CCNA1: variants seen among roughly 807,000 people sequenced by gnomAD.
CCNA1 encodes the protein cyclin-A1.
CCNA1 carries 23 observed loss-of-function variants against 54.1 expected under a neutral mutation model. The observed-to-expected ratio is 0.42, with a 90% CI of 0.31 to 0.60. CCNA1 has a LOEUF of 0.60. Among genes scored for constraint, CCNA1 ranks in the 20% least tolerant of loss-of-function variants. CCNA1 has a pLI of 0.14. For synonymous variants in CCNA1, 208 were observed against 213.9 expected (o/e 0.97, Z 0.24); for missense variants, 450 against 556.7 (o/e 0.81, Z 1.93).
rs1460280869 is a variant in CCNA1 at position 36,436,409 on chromosome 13, A to G, written c.298-1220A>G. On this transcript the variant is annotated intron_variant, in intron 2 of 8. Transcript: ENST00000255465. Reference sequence around the variant, plus strand: ...TTCTAGTTTGTTTCAGTCTTCTTCCACAGACTAGAATATAAACTCCATCAA... The same window carrying G: ...TTCTAGTTTGTTTCAGTCTTCTTCCGCAGACTAGAATATAAACTCCATCAA... Among the ~76,000 whole-genome samples the G allele has an allele frequency of 2.6e-5, 4 of 152,130 alleles. No homozygotes were observed. In the East Asian group the frequency reaches 7.7e-4, roughly 29 times the overall value.
At position 36,433,444 on chromosome 13, in the gene CCNA1, T is replaced by TTCTTTCTTTCTTTTCTTTC. The variant is rs2055757825; in HGVS notation, c.297+236_297+237insTCTTTCTCTTTCTTTCTTT. ...TTTCTTTCTTTCTTTCTTTCTTTCG[T>TTCTTTCTTTCTTTTCTTTC]TCTTTCTTTCTTTCTTTTCTTTCTC... is the stretch of plus-strand genomic sequence containing the variant. On this transcript the variant is annotated intron_variant, in intron 2 of 8. Coordinates refer to ENST00000255465, the MANE Select transcript of CCNA1 (RefSeq NM_003914.4). Among the ~76,000 whole-genome samples the TTCTTTCTTTCTTTTCTTTC allele has an allele frequency of 1.9e-4, 12 of 63,972 alleles. 1 individual carries two copies. The highest frequency in any genetic ancestry group is 5.6e-4 in the African/African-American group (12 of 21,616). The allele number at this position is 63,972 out of a possible 152,430, so 42.0% of individuals were successfully genotyped here.
intron 1 of CCNA1, 28 bp downstream of exon 1, chr13:36,432,757 G>C (rs2055730516): frequency 2.1e-6 from 3 of 1,411,162 alleles, no homozygotes; most frequent in Non-Finnish European, 2.0e-6. Flanking sequence ...TCCCGACTTG[G>C]AGGCTTGTCA....
At chr13:36,441,707 C>T (rs1310246247) in intron 7 of CCNA1, among the ~76,000 whole-genome samples, 1 of 152,200 alleles carries the variant, frequency 6.6e-6, no homozygotes, top group Non-Finnish European at 1.5e-5. Flanking sequence ...TGAAGGCTCA[C>T]TGTTGTACTA....
chr13:36,435,098 G>A (rs1371848377), intron 2 of CCNA1, among the ~76,000 whole-genome samples: 8 of 152,142 alleles, frequency 5.3e-5, no homozygotes, highest in East Asian at 1.9e-4. Context: ...AAATGGTGAC[G>A]AATTTTCTTT....
intron 4 of CCNA1, 115 bp from the exon 5 acceptor site, chr13:36,438,529 G>T (rs1371556893): frequency 9.5e-6 from 7 of 733,976 alleles, no homozygotes; most frequent in Non-Finnish European, 1.6e-5. Flanking sequence ...GATTTATTTG[G>T]CTCTGATCAG....
At chr13:36,433,357 GTTGA>G (rs145868841) in intron 2 of CCNA1, 136 bp downstream of exon 2, 75,138 of 405,906 alleles carry the variant, frequency 0.19, 12,112 homozygotes, top group Non-Finnish European at 0.21. Flanking sequence ...CTACAGGAAA[GTTGA>G]TTGATTTATT....
At chr13:36,433,444 TTC>T (rs1566169754) in intron 2 of CCNA1, among the ~76,000 whole-genome samples, 2,685 of 64,010 alleles carry the variant, frequency 0.042, 88 homozygotes, top group Non-Finnish European at 0.072. Flanking sequence ...CTTTCTTTCG[TTC>T]TTTCTTTCTT....
At chr13:36,439,599 G>C (rs2055850432) in intron 5 of CCNA1, among the ~76,000 whole-genome samples, 1 of 152,154 alleles carries the variant, frequency 6.6e-6, no homozygotes, top group South Asian at 2.1e-4. Context: ...TGTGGAGTTT[G>C]TTTCTATCAC....
At chr13:36,442,448 A>C (rs1473445752) in intron 8 of CCNA1, 144 bp downstream of exon 8, 3 of 1,134,992 alleles carry the variant, frequency 2.6e-6, no homozygotes, top group Non-Finnish European at 3.8e-6. Flanking sequence ...TTTACAAATA[A>C]ATTTGAAAAG....
At position 36,441,113 on chromosome 13, in the gene CCNA1, C is replaced by T; in HGVS notation, c.1099-5C>T. 6.6e-7 allele frequency: 1 copy of T among 1,512,402 alleles called. No homozygotes were observed. The highest frequency in any genetic ancestry group is 9.2e-7 in the Non-Finnish European group (1 of 1,092,190). The allele number at this position is 1,512,402 out of a possible 1,614,324, so 93.7% of individuals were successfully genotyped here. ...TTCCAATGTGTTTTCTTCTCTTGTG[C>T]TTAGTACGTAGCAGAGCTGAGTCTA... On this transcript the variant is annotated splice_region_variant and splice_polypyrimidine_tract_variant and intron_variant, in intron 6 of 8. Transcript: ENST00000255465.
At chr13:36,435,394 A>G (rs1417049160) in intron 2 of CCNA1, among the ~76,000 whole-genome samples, 2 of 152,174 alleles carry the variant, frequency 1.3e-5, no homozygotes, top group East Asian at 1.9e-4. Context: ...TTGTTGGATG[A>G]ATGTTCTCTG....
chr13:36,438,576 G>A (rs1197260287), intron 4 of CCNA1, 68 bp from the exon 5 acceptor site: 6 of 1,074,402 alleles, frequency 5.6e-6, no homozygotes, highest in Admixed American at 2.1e-5. Flanking sequence ...TTTTTAAATA[G>A]CAACTATATT....
Position 36,432,651 on chromosome 13 carries a change from C to T in CCNA1, c.30C>T (p.Tyr10=), listed in dbSNP as rs770373399. Residue 10 remains tyrosine, a synonymous_variant, in exon 1 of 9, where the codon TAC becomes TAT. Transcript: ENST00000255465. ...AGACCGGCTTTCCCGCAATCATGTA[C>T]CCTGGATCTTTTATTGGGGGCTGGG... The T allele has an allele frequency of 5.6e-6, 9 of 1,607,872 alleles. No individual in the cohort carries two copies. The Admixed American group carries it at 1.0e-4, about 18-fold the overall frequency.
chr13:36,441,518 C>T (rs1317385027), intron 7 of CCNA1, among the ~76,000 whole-genome samples: 1 of 152,208 alleles, frequency 6.6e-6, no homozygotes, highest in African/African-American at 2.4e-5. Context: ...GAGGTACAAT[C>T]ATTGACTGCT....
chr13:36,434,056 T>C (rs1003158019), intron 2 of CCNA1, among the ~76,000 whole-genome samples: 12 of 152,210 alleles, frequency 7.9e-5, no homozygotes, highest in Non-Finnish European at 1.5e-4. Flanking sequence ...AGTGTTCACA[T>C]TGATGCAGGC....
intron 2 of CCNA1, 148 bp downstream of exon 2, chr13:36,433,369 ATTTTCTTTCT>A (rs1332919667): frequency 8.8e-6 from 3 of 339,424 alleles, no homozygotes; most frequent in African/African-American, 7.9e-5. Context: ...TGATTGATTT[ATTTTCTTTCT>A]TTCTTTCTTT....
At chr13:36,433,435 T>TTTCTTTCG (rs1284627521) in intron 2 of CCNA1, among the ~76,000 whole-genome samples, 4 of 81,228 alleles carry the variant, frequency 4.9e-5, no homozygotes, top group South Asian at 7.4e-4. Context: ...TCTTTCTTTC[T>TTTCTTTCG]TTCTTTCGTT....
rs771079753 is a variant in CCNA1 at position 36,440,196 on chromosome 13, C to T, written c.1098+13C>T. On this transcript the variant is annotated intron_variant, in intron 6 of 8. Coordinates refer to ENST00000255465, the MANE Select transcript of CCNA1 (RefSeq NM_003914.4). The stretch of plus-strand genomic sequence containing the variant: ...GAACCTGGCTAAGGTGTGTATGCCG[C>T]GTGATTTCTAGGAACTTCCAGTGCC... 20 of 1,608,498 alleles carry T rather than the reference C, an allele frequency of 1.2e-5. No individual in the cohort carries two copies. The highest frequency in any genetic ancestry group is 4.5e-5 in the East Asian group (2 of 44,806).
At chr13:36,437,590 T>C (rs1202678668) in intron 2 of CCNA1, 39 bp from the exon 3 acceptor site, 1 of 1,602,560 alleles carries the variant, frequency 6.2e-7, no homozygotes, top group Non-Finnish European at 8.5e-7. Context: ...TCTGTGGTCT[T>C]TGACGTGGCC....
Sources: allele counts gnomAD v4.1 joint callset (sites outside exome capture counted in the v4.1 genomes callset), GRCh38; gene constraint gnomAD v4.1.1; transcripts MANE v1.5; gene names NCBI Gene and HGNC (gene_info 2026-07-23, HGNC 2026-07-21).